Variants in EMB observed in about 807,000 individuals in gnomAD.
EMB encodes the protein embigin, also known as embigin homolog.
A neutral mutation model predicts 41.4 loss-of-function variants in EMB; 31 were observed. The ratio of observed to expected loss-of-function variants is 0.75; its 90% CI spans 0.56 to 1.01. The LOEUF is 1.01. Among genes scored for constraint, EMB ranks in the 50% least tolerant of loss-of-function variants. The pLI is 0.00. For missense variants in EMB, 379 were observed against 388.3 expected, an observed-to-expected ratio of 0.98 and a Z score of 0.20; for synonymous variants, 137 against 140.4, an observed-to-expected ratio of 0.98 and a Z score of 0.17.
At chr5:50,439,587 A>G (rs752556976) in intron 1 of EMB, among the ~76,000 whole-genome samples, 3 of 151,916 alleles carry the variant, frequency 2.0e-5, no homozygotes, top group Non-Finnish European at 4.4e-5. Context: ...TCAGCGCCCA[A>G]AAGTGCTGGG....
intron 1 of EMB, among the ~76,000 whole-genome samples, chr5:50,439,135 G>T (rs902658015): frequency 1.3e-5 from 2 of 151,580 alleles, no homozygotes; most frequent in African/African-American, 4.9e-5. Flanking sequence ...AAAGATCCAG[G>T]TATCAGGATT....
chr5:50,441,178 C>A lies in EMB; in HGVS notation c.-27G>T. 1 of 1,354,432 alleles carries A rather than the reference C, an allele frequency of 7.4e-7. No individual in the cohort carries two copies. The highest frequency in any genetic ancestry group is 9.7e-7 in the Non-Finnish European group (1 of 1,033,386). The allele number at this position is 1,354,432 out of a possible 1,614,324, so 83.9% of individuals were successfully genotyped here. A position where few individuals can be genotyped will look rare whatever the true frequency, so the allele number is the denominator to read the frequency against. On this transcript the variant is annotated 5_prime_UTR_variant, in exon 1 of 9. Transcript: ENST00000303221. The stretch of plus-strand genomic sequence containing the variant: ...GCGCCAGAGGGTCCGCCTGGGTCCT[C>A]GTGGAGACTGCTCCCTCAGCTCGCC...
intron 1 of EMB, among the ~76,000 whole-genome samples, chr5:50,432,750 T>TA (rs35639181): frequency 0.25 from 24,604 of 98,792 alleles, 2,816 homozygotes; most frequent in African/African-American, 0.38. Flanking sequence ...GAAAAACAAG[T>TA]AAAAAAAAAA....
Position 50,432,750 on chromosome 5 carries a change from T to TAA in EMB, c.113-4525_113-4524dup, listed in dbSNP as rs35639181. Among the ~76,000 whole-genome samples the TAA allele has an allele frequency of 3.3e-3, 328 of 98,904 alleles. 1 individual carries two copies. Among genetic ancestry groups the TAA allele is most frequent in the Middle Eastern group, 0.016 (3 of 182 alleles). The allele number at this position is 98,904 out of a possible 152,430, so 64.9% of individuals were successfully genotyped here. A position where few individuals can be genotyped will look rare whatever the true frequency, so the allele number is the denominator to read the frequency against. On this transcript the variant is annotated intron_variant, in intron 1 of 8. Coordinates refer to ENST00000303221, the MANE Select transcript of EMB (RefSeq NM_198449.3). ...TCATCCAAAAAAGAAGAAAAACAAG[T>TAA]AAAAAAAAAAAAAAAAAAAAGCTTG...
chr5:50,439,569 C>T (rs2111879925), intron 1 of EMB, among the ~76,000 whole-genome samples: 1 of 151,362 alleles, frequency 6.6e-6, no homozygotes, highest in African/African-American at 2.4e-5. Context: ...TCCAGCCATC[C>T]TCCCACCTCA....
At chr5:50,422,156 C>T (rs984317271) in intron 2 of EMB, among the ~76,000 whole-genome samples, 3 of 151,962 alleles carry the variant, frequency 2.0e-5, no homozygotes, top group African/African-American at 7.2e-5. Context: ...GTTAATTATG[C>T]CATAAAATAC....
intron 2 of EMB, among the ~76,000 whole-genome samples, chr5:50,423,444 A>G (rs1383235380): frequency 2.0e-5 from 3 of 152,168 alleles, no homozygotes; most frequent in African/African-American, 7.2e-5. Flanking sequence ...TTTTTAAAAA[A>G]CAGTATAATA....
At chr5:50,433,826 C>G (rs139098419) in intron 1 of EMB, among the ~76,000 whole-genome samples, 4 of 152,276 alleles carry the variant, frequency 2.6e-5, no homozygotes, top group African/African-American at 9.6e-5. Context: ...GTTGGCAGGA[C>G]CTTCCTCCTC....
intron 4 of EMB, among the ~76,000 whole-genome samples, chr5:50,410,129 G>A (rs756172671): frequency 2.0e-5 from 3 of 151,992 alleles, no homozygotes; most frequent in Admixed American, 6.6e-5. Context: ...TGTTTCCTGG[G>A]GAATTAATGC....
chr5:50,441,320 C>A (rs1195656087), upstream of EMB: 2 of 399,324 alleles, frequency 5.0e-6, no homozygotes, highest in East Asian at 3.7e-5. Flanking sequence ...CGCCTTGCCC[C>A]ACTCCCCCGA....
At chr5:50,437,224 G>C (rs1225515027) in intron 1 of EMB, among the ~76,000 whole-genome samples, 5 of 152,284 alleles carry the variant, frequency 3.3e-5, no homozygotes, top group Middle Eastern at 3.4e-3. Context: ...TGAGCCATGA[G>C]TGTGCCTCGG....
intron 1 of EMB, among the ~76,000 whole-genome samples, chr5:50,437,597 TTGTCCAGTGGGAACCCCTTTAAA>T (rs531272770): frequency 3.5e-3 from 532 of 152,312 alleles, no homozygotes; most frequent in Middle Eastern, 0.01. Context: ...TGTCCCAGAT[TTGTCCAGTGGGAACCCCTTTAAA>T]TGTCCTTAAA....
intron 2 of EMB, among the ~76,000 whole-genome samples, chr5:50,420,967 CT>C (rs1271531016): frequency 5.3e-5 from 8 of 152,078 alleles, no homozygotes; most frequent in African/African-American, 1.7e-4. Flanking sequence ...TTGTTTAGTA[CT>C]TTTATATGCT....
chr5:50,425,339 A>G (rs1330798969), intron 2 of EMB, among the ~76,000 whole-genome samples: 1 of 152,104 alleles, frequency 6.6e-6, no homozygotes, highest in African/African-American at 2.4e-5. Context: ...CTCACATCTC[A>G]ACATGTAAAT....
At chr5:50,406,818 C>T (rs905722527) in intron 4 of EMB, among the ~76,000 whole-genome samples, 3 of 151,728 alleles carry the variant, frequency 2.0e-5, no homozygotes, top group Non-Finnish European at 4.4e-5. Flanking sequence ...GTTTAGTTTG[C>T]CAGTAGGGAA....
At chr5:50,405,535 G>A (rs1289770580) in intron 5 of EMB, among the ~76,000 whole-genome samples, 190 bp downstream of exon 5, 3 of 151,818 alleles carry the variant, frequency 2.0e-5, no homozygotes, top group African/African-American at 4.8e-5. Flanking sequence ...TATGTATAAC[G>A]TAAACATGCC....
chr5:50,437,050 C>T (rs1236125508), intron 1 of EMB, among the ~76,000 whole-genome samples: 3 of 152,162 alleles, frequency 2.0e-5, no homozygotes. Flanking sequence ...GCAGGAAGAT[C>T]GCTTGAGCCT....
intron 1 of EMB, among the ~76,000 whole-genome samples, chr5:50,430,607 T>C (rs1469152799): frequency 1.3e-5 from 2 of 152,074 alleles, no homozygotes; most frequent in South Asian, 2.1e-4. Flanking sequence ...TAATTTGAGA[T>C]TGAGAGTCAT....
chr5:50,405,876 A>G (rs1745240789), intron 4 of EMB, 24 bp from the exon 5 acceptor site: 1 of 1,564,804 alleles, frequency 6.4e-7, no homozygotes, highest in Non-Finnish European at 8.6e-7. Context: ...AGAGAAATGT[A>G]TGTTACTGAA....
Sources: gnomAD v4.1 joint callset for allele counts (sites outside exome capture counted in the v4.1 genomes callset) on GRCh38, gnomAD v4.1.1 for gene constraint, MANE v1.5 for transcripts, NCBI Gene and HGNC (gene_info 2026-07-23, HGNC 2026-07-21) for gene names.